SNX1: variants seen among roughly 807,000 people sequenced by gnomAD.
SNX1 encodes the protein sorting nexin 1.
SNX1 carries 36 observed loss-of-function variants against 71.8 expected under a neutral mutation model. That is an observed-to-expected ratio of 0.50 (90% CI 0.38 to 0.66). The LOEUF is 0.66. SNX1 is among the 30% of genes least tolerant of loss of function. The pLI is 0.00. For synonymous variants in SNX1, 254 were observed against 240.7 expected, an observed-to-expected ratio of 1.06 and a Z score of -0.51; for missense variants, 612 against 646.7, an observed-to-expected ratio of 0.95 and a Z score of 0.58.
At position 64,138,326 on chromosome 15, in the gene SNX1, T is replaced by TC. The variant is rs34318983; in HGVS notation, c.*708_*709insC. 5.8e-3 allele frequency: 576 copies of TC among 98,760 alleles called. No individual in the cohort carries two copies. The highest frequency in any genetic ancestry group is 0.02 in the South Asian group (64 of 3,126). 6.1% of individuals were successfully genotyped at this position (98,760 alleles called of 1,614,324 possible). On this transcript the variant is annotated 3_prime_UTR_variant, in exon 15 of 15. Transcript: ENST00000559844. ...AGGAGGCAGAGACTTTCTCTCTCTC[T>TC]TTTTTTTTTTTTTTTGGTGTCCCTA...
At position 64,138,017 on chromosome 15, in the gene SNX1, CAG is replaced by C. The variant is rs1409520814; in HGVS notation, c.*401_*402del. 51 of 1,505,384 alleles carry C rather than the reference CAG, an allele frequency of 3.4e-5. No homozygotes were observed. Among genetic ancestry groups the C allele is most frequent in the Admixed American group, 4.7e-5 (2 of 42,984 alleles). The allele number at this position is 1,505,384 out of a possible 1,614,324, so 93.3% of individuals were successfully genotyped here. On this transcript the variant is annotated 3_prime_UTR_variant, in exon 15 of 15. Coordinates refer to ENST00000559844, the MANE Select transcript of SNX1 (RefSeq NM_003099.5). Reference sequence around the variant, plus strand: ...TATTTTAAAATCAGGTCACATGACTCAGAATGTTGGTGGTTTTTGCTTAGGCT... The same window carrying C: ...TATTTTAAAATCAGGTCACATGACTCAATGTTGGTGGTTTTTGCTTAGGCT...
intron 4 of SNX1, 119 bp downstream of exon 4, chr15:64,118,973 A>G: frequency 2.9e-6 from 2 of 690,922 alleles, no homozygotes; most frequent in South Asian, 1.8e-5. Flanking sequence ...CTTCATTAGT[A>G]TCTTTTCTGT....
intron 4 of SNX1, among the ~76,000 whole-genome samples, chr15:64,121,095 T>G (rs1195592374): frequency 6.6e-6 from 1 of 152,218 alleles, no homozygotes; most frequent in Non-Finnish European, 1.5e-5. Flanking sequence ...ATAAACACAT[T>G]AATTTTAAGC....
intron 4 of SNX1, among the ~76,000 whole-genome samples, chr15:64,119,607 G>A (rs1049176582): frequency 7.3e-5 from 11 of 151,706 alleles, no homozygotes; most frequent in Middle Eastern, 3.4e-3. Context: ...GCCTATAATC[G>A]CACCTACTCA....
At chr15:64,120,734 G>C (rs2140147192) in intron 4 of SNX1, among the ~76,000 whole-genome samples, 1 of 152,212 alleles carries the variant, frequency 6.6e-6, no homozygotes, top group East Asian at 1.9e-4. Flanking sequence ...CCACGTACTT[G>C]GGAGGCCGAG....
Position 64,119,754 on chromosome 15 carries a change from A to ACAC in SNX1, c.466+900_466+901insCAC, listed in dbSNP as rs1491138534. Reference sequence around the variant, plus strand: ...AAAAAAAAAACACACACACACACACAAAAAACATTATCTTCTCCTTCAGAG... The same window carrying ACAC: ...AAAAAAAAAACACACACACACACACACACAAAAACATTATCTTCTCCTTCAGAG... On this transcript the variant is annotated intron_variant, in intron 4 of 14. Transcript: ENST00000559844. Among the ~76,000 whole-genome samples, 540 of 151,332 alleles carry ACAC rather than the reference A, an allele frequency of 3.6e-3. 11 individuals carry two copies. Among genetic ancestry groups the ACAC allele is most frequent in the Admixed American group, 0.033 (496 of 15,162 alleles).
intron 11 of SNX1, among the ~76,000 whole-genome samples, chr15:64,133,837 T>C (rs2081331409): frequency 6.6e-6 from 1 of 152,186 alleles, no homozygotes; most frequent in Non-Finnish European, 1.5e-5. Flanking sequence ...AGGCTGCTGC[T>C]TGGGGCCTAT....
intron 1 of SNX1, among the ~76,000 whole-genome samples, chr15:64,108,157 C>T (rs1201098074): frequency 1.3e-5 from 2 of 150,992 alleles, no homozygotes; most frequent in Non-Finnish European, 2.9e-5. Context: ...TGCGCCACTG[C>T]ACTCCAGCCT....
chr15:64,130,153 A>G, intron 9 of SNX1, 75 bp from the exon 10 acceptor site: 1 of 1,498,506 alleles, frequency 6.7e-7, no homozygotes, highest in Admixed American at 1.8e-5. Flanking sequence ...CCTTTTTGAG[A>G]AACAACTGCT....
intron 12 of SNX1, chr15:64,135,022 CAG>C: frequency 1.8e-6 from 1 of 570,682 alleles, no homozygotes; most frequent in Non-Finnish European, 2.9e-6. Context: ...CTTGTCAAAT[CAG>C]AATCTCTGGC....
intron 10 of SNX1, 43 bp from the exon 11 acceptor site, chr15:64,131,644 T>C (rs2081308056): frequency 1.3e-6 from 2 of 1,590,962 alleles, no homozygotes; most frequent in Non-Finnish European, 1.7e-6. Context: ...TCCCTTTTCC[T>C]TGTGAGATCA....
In SNX1 at chr15:64,143,524, C is replaced by G. The variant is rs1006942507; in HGVS notation, c.*5906C>G. On this transcript the variant is annotated 3_prime_UTR_variant, in exon 15 of 15. Transcript: ENST00000559844. ...GCGTTCATACTGTCTGTGAAAGGAC[C>G]CAGCTCACCTTTCCCTCTTTATCTC... 1 of 152,178 alleles carries G rather than the reference C, an allele frequency of 6.6e-6. No individual in the cohort carries two copies. The highest frequency in any genetic ancestry group is 1.5e-5 in the Non-Finnish European group (1 of 68,042). The allele number at this position is 152,178 out of a possible 1,614,324, so 9.4% of individuals were successfully genotyped here.
rs536929714 is a variant in SNX1 at position 64,142,837 on chromosome 15, T to C, written c.*5219T>C. 1 of 345,604 alleles carries C rather than the reference T, an allele frequency of 2.9e-6. No homozygotes were observed. Among genetic ancestry groups the C allele is most frequent in the East Asian group, 8.5e-5 (1 of 11,750 alleles). The allele number at this position is 345,604 out of a possible 1,614,324, so 21.4% of individuals were successfully genotyped here. A position where few individuals can be genotyped will look rare whatever the true frequency, so the allele number is the denominator to read the frequency against. The stretch of plus-strand genomic sequence containing the variant: ...ATAAGAATTGTCGCCTACACAAAAA[T>C]ACCAGCAACTGTTAACTCTTCCCAG... On this transcript the variant is annotated 3_prime_UTR_variant, in exon 15 of 15. Coordinates refer to ENST00000559844, the MANE Select transcript of SNX1 (RefSeq NM_003099.5).
Position 64,118,171 on chromosome 15 carries a change from T to C in SNX1, c.326T>C (p.Leu109Pro), listed in dbSNP as rs2140144558. 1 of 1,613,386 alleles carries C rather than the reference T, an allele frequency of 6.2e-7. No individual in the cohort carries two copies. Among genetic ancestry groups the C allele is most frequent in the Middle Eastern group, 1.7e-4 (1 of 6,042 alleles). Reference sequence around the variant, plus strand: ...ACACAAAATAATCAGAAGAAGGTGCTAGCCAAAACACTCATTTCTCTTCCT... The same window carrying C: ...ACACAAAATAATCAGAAGAAGGTGCCAGCCAAAACACTCATTTCTCTTCCT... ...DSTQNNQKKV[L>P]AKTLISLPPQ... is the part of the protein sequence containing the mutation. The change falls in exon 3 of 15, where the codon CTA (leucine) becomes CCA (proline). Residue 109 changes from leucine (L) to proline (P), a missense_variant. Leu to Pro is a moderately conservative substitution (Grantham distance 98, BLOSUM62 -3). Coordinates refer to ENST00000559844, the MANE Select transcript of SNX1 (RefSeq NM_003099.5).
At position 64,136,388 on chromosome 15, in the gene SNX1, G is replaced by A. The variant is rs780100137; in HGVS notation, c.1424G>A (p.Arg475Gln). 3.3e-5 allele frequency: 53 copies of A among 1,613,892 alleles called. No individual in the cohort carries two copies. Among genetic ancestry groups the A allele is most frequent in the Admixed American group, 1.5e-4 (9 of 59,998 alleles). ...TTCGAGAGGATTTCAACAGTGGTCC[G>A]AAAAGAAGTGATACGGTTTGAGGTG... is the stretch of plus-strand genomic sequence containing the variant. Reference protein sequence around the residue: ...RDFERISTVVRKEVIRFEKEK... With the variant: ...RDFERISTVVQKEVIRFEKEK... Residue 475 changes from arginine (R) to glutamine (Q), a missense_variant, in exon 13 of 15, where the codon CGA becomes CAA. By Grantham distance (43) the Arg-to-Gln change is conservative. Coordinates refer to ENST00000559844, the MANE Select transcript of SNX1 (RefSeq NM_003099.5).
intron 11 of SNX1, 102 bp downstream of exon 11, chr15:64,131,994 T>G: frequency 8.4e-7 from 1 of 1,190,688 alleles, no homozygotes; most frequent in Non-Finnish European, 1.2e-6. Flanking sequence ...AGCTTGTAAA[T>G]AGGTGTCACT....
intron 1 of SNX1, among the ~76,000 whole-genome samples, chr15:64,101,712 T>C (rs1489206675): frequency 6.6e-6 from 1 of 152,238 alleles, no homozygotes; most frequent in Non-Finnish European, 1.5e-5. Flanking sequence ...CACCATTTTA[T>C]GGTCTCACCT....
At chr15:64,115,063 A>T (rs1164184260) in intron 2 of SNX1, among the ~76,000 whole-genome samples, 1 of 152,236 alleles carries the variant, frequency 6.6e-6, no homozygotes, top group Non-Finnish European at 1.5e-5. Flanking sequence ...ATTGAAAAGA[A>T]AGTGAATTTT....
intron 2 of SNX1, among the ~76,000 whole-genome samples, chr15:64,117,403 G>A (rs1595988485): frequency 6.6e-6 from 1 of 151,938 alleles, no homozygotes; most frequent in Non-Finnish European, 1.5e-5. Context: ...ACAGGCTCAG[G>A]CCACCACACC....
Sources: allele counts gnomAD v4.1 joint callset (sites outside exome capture counted in the v4.1 genomes callset), GRCh38; gene constraint gnomAD v4.1.1; transcripts MANE v1.5; gene names NCBI Gene and HGNC (gene_info 2026-07-23, HGNC 2026-07-21).